The following SNX29 variants were observed in gnomAD, a reference collection of about 807,000 sequenced individuals.
SNX29 encodes sorting nexin-29.
A neutral mutation model predicts 102.1 loss-of-function variants in SNX29; 78 were observed. The observed-to-expected ratio is 0.76, with a 90% CI of 0.64 to 0.92. SNX29 has a LOEUF of 0.92. Ranked by LOEUF, SNX29 falls within the 40% of genes least tolerant of loss-of-function variation. The pLI is 0.00. For synonymous variants in SNX29, 580 were observed against 414.5 expected (o/e 1.40, Z -4.85); for missense variants, 1,280 against 1,061.7 (o/e 1.21, Z -2.86).
At chr16:12,311,024 A>C (rs1291698933) in intron 15 of SNX29, among the ~76,000 whole-genome samples, 2 of 152,244 alleles carry the variant, frequency 1.3e-5, no homozygotes, top group East Asian at 3.9e-4. Flanking sequence ...GAGGACCATA[A>C]CTTAGTTATA....
rs958307938 is a variant in SNX29 at position 12,084,184 on chromosome 16, C to T, written c.1402+5269C>T. The stretch of plus-strand genomic sequence containing the variant: ...TTTTGAGACGGAGTGTTGCTCTTAT[C>T]GCCCAGGCTGGAGTGCAGTGGCACG... On this transcript the variant is annotated intron_variant, in intron 11 of 20. Coordinates refer to ENST00000566228, the MANE Select transcript of SNX29 (RefSeq NM_032167.5). 3.3e-5 allele frequency among the ~76,000 whole-genome samples: 5 copies of T among 150,556 alleles called. No individual in the cohort carries two copies. In the East Asian group the frequency reaches 5.8e-4, roughly 18 times the overall value.
intron 15 of SNX29, among the ~76,000 whole-genome samples, chr16:12,345,404 G>T (rs1249447121): frequency 6.6e-6 from 1 of 152,170 alleles, no homozygotes; most frequent in Non-Finnish European, 1.5e-5. Flanking sequence ...GTGTGCGGTT[G>T]TGCAGGTTGT....
chr16:12,343,788 G>A (rs556969809), intron 15 of SNX29, among the ~76,000 whole-genome samples: 1 of 152,278 alleles, frequency 6.6e-6, no homozygotes, highest in East Asian at 1.9e-4. Flanking sequence ...GCACACCGTT[G>A]CTCAATAAAT....
At chr16:12,019,597 TAG>T (rs1491331423) in intron 3 of SNX29, among the ~76,000 whole-genome samples, 55 of 146,662 alleles carry the variant, frequency 3.8e-4, no homozygotes, top group South Asian at 6.3e-4. Flanking sequence ...TATATATAGA[TAG>T]ATAGATAGAT....
chr16:12,410,691 C>T (rs992886419), intron 18 of SNX29, among the ~76,000 whole-genome samples: 16 of 152,176 alleles, frequency 1.1e-4, no homozygotes, highest in African/African-American at 3.9e-4. Context: ...ACTTGGGCCT[C>T]CCAAAGTGCT....
intron 20 of SNX29, among the ~76,000 whole-genome samples, chr16:12,530,569 TG>T (rs1419971432): frequency 2.6e-5 from 4 of 152,048 alleles, no homozygotes; most frequent in Non-Finnish European, 5.9e-5. Flanking sequence ...TTGTTTTTTT[TG>T]GTGGGGAACA....
intron 18 of SNX29, among the ~76,000 whole-genome samples, chr16:12,444,517 T>C (rs2085958904): frequency 1.3e-5 from 2 of 152,272 alleles, no homozygotes; most frequent in Admixed American, 6.5e-5. Flanking sequence ...ACATAGTAGA[T>C]GTTGACTTTT....
At chr16:12,281,356 A>G (rs1047849399) in intron 15 of SNX29, among the ~76,000 whole-genome samples, 6 of 152,152 alleles carry the variant, frequency 3.9e-5, no homozygotes, top group African/African-American at 1.4e-4. Context: ...CATACACACT[A>G]CACATTTGTG....
intron 14 of SNX29, among the ~76,000 whole-genome samples, chr16:12,229,626 G>A (rs1315635708): frequency 6.6e-6 from 1 of 150,390 alleles, no homozygotes; most frequent in African/African-American, 2.4e-5. Flanking sequence ...GTCACATGAT[G>A]TTTAAAGAAA....
intron 18 of SNX29, among the ~76,000 whole-genome samples, chr16:12,445,840 C>G (rs2086023246): frequency 6.6e-6 from 1 of 152,134 alleles, no homozygotes. Context: ...TAGGAAGAAA[C>G]TCCTGCTGCT....
chr16:12,348,875 A>G (rs1038490428), intron 15 of SNX29, among the ~76,000 whole-genome samples: 2 of 152,122 alleles, frequency 1.3e-5, no homozygotes, highest in African/African-American at 4.8e-5. Context: ...ACAGGTGAGT[A>G]CTGCTCGGAG....
chr16:12,474,228 T>G lies in SNX29; in HGVS notation c.2038-3491T>G, dbSNP rs373618686. Among the ~76,000 whole-genome samples, 304 of 152,334 alleles carry G rather than the reference T, an allele frequency of 2.0e-3. 2 individuals are homozygous for G. The highest frequency in any genetic ancestry group is 0.011 in the South Asian group (54 of 4,832). ...AAGGGAGTGTTCGTACCATCTGCCTTGCAGATTAACTTGCGGCTGGGCAGT... is the reference window on the plus strand; with the variant it reads ...AAGGGAGTGTTCGTACCATCTGCCTGGCAGATTAACTTGCGGCTGGGCAGT... On this transcript the variant is annotated intron_variant, in intron 18 of 20. Coordinates refer to ENST00000566228, the MANE Select transcript of SNX29 (RefSeq NM_032167.5).
At chr16:12,550,312 G>A (rs2077890136) in intron 20 of SNX29, among the ~76,000 whole-genome samples, 2 of 152,216 alleles carry the variant, frequency 1.3e-5, no homozygotes, top group South Asian at 4.2e-4. Context: ...CAAGGTGGTT[G>A]GGTCACCTGA....
intron 1 of SNX29, among the ~76,000 whole-genome samples, chr16:11,986,559 G>C (rs967087962): frequency 1.3e-5 from 2 of 152,164 alleles, no homozygotes; most frequent in African/African-American, 4.8e-5. Flanking sequence ...CTCCGTTTGA[G>C]CGTTTCTGCT....
At chr16:12,123,292 A>G (rs2054058295) in intron 11 of SNX29, among the ~76,000 whole-genome samples, 1 of 152,108 alleles carries the variant, frequency 6.6e-6, no homozygotes. Context: ...TGTGATGAGG[A>G]CACTCAAAGT....
chr16:12,555,490 T>C (rs1161890186), intron 20 of SNX29, among the ~76,000 whole-genome samples: 2 of 151,642 alleles, frequency 1.3e-5, no homozygotes, highest in African/African-American at 4.8e-5. Context: ...TCTTTCGTTG[T>C]GGGGAGTCAC....
At chr16:12,558,761 G>A (rs1217419915) in intron 20 of SNX29, among the ~76,000 whole-genome samples, 1 of 152,224 alleles carries the variant, frequency 6.6e-6, no homozygotes, top group Non-Finnish European at 1.5e-5. Flanking sequence ...CCCATTGGGT[G>A]ATCATCCCGC....
intron 13 of SNX29, among the ~76,000 whole-genome samples, chr16:12,155,098 C>G (rs1417363050): frequency 6.6e-6 from 1 of 152,140 alleles, no homozygotes. Context: ...TGCTGGATGC[C>G]TTGTTCTGGA....
chr16:12,219,389 G>A (rs965063939), intron 14 of SNX29, among the ~76,000 whole-genome samples: 1 of 151,934 alleles, frequency 6.6e-6, no homozygotes, highest in Non-Finnish European at 1.5e-5. Context: ...CAACCTTCTG[G>A]GAACAATACT....
Sources: gnomAD v4.1 joint callset for allele counts (sites outside exome capture counted in the v4.1 genomes callset) on GRCh38, gnomAD v4.1.1 for gene constraint, MANE v1.5 for transcripts, NCBI Gene and HGNC (gene_info 2026-07-23, HGNC 2026-07-21) for gene names.